The following TECPR2 variants were observed in gnomAD, a reference collection of about 807,000 sequenced individuals.
TECPR2 encodes tectonin beta-propeller repeat-containing protein 2.
A neutral mutation model predicts 138.1 loss-of-function variants in TECPR2; 65 were observed. The ratio of observed to expected loss-of-function variants is 0.47; its 90% CI spans 0.39 to 0.58. TECPR2 has a LOEUF of 0.58. Ranked by LOEUF, TECPR2 falls within the 20% of genes least tolerant of loss-of-function variation. The pLI, the probability that TECPR2 is intolerant of heterozygous loss-of-function variation, is 0.00. For synonymous variants in TECPR2, 746 were observed against 749.8 expected (o/e 0.99, Z 0.08); for missense variants, 1,553 against 1,824.5 (o/e 0.85, Z 2.71).
At chr14:102,444,164 A>G (rs1365751028) in intron 12 of TECPR2, among the ~76,000 whole-genome samples, 2 of 149,454 alleles carry the variant, frequency 1.3e-5, no homozygotes, top group African/African-American at 4.9e-5. Flanking sequence ...CTTTATTTTC[A>G]TGCTAATCGA....
intron 10 of TECPR2, among the ~76,000 whole-genome samples, chr14:102,439,863 T>C (rs75119181): frequency 0.043 from 6,482 of 152,276 alleles, 164 homozygotes; most frequent in Middle Eastern, 0.092. Flanking sequence ...TGCCTTCCCT[T>C]TCCTCTCTCC....
At chr14:102,407,618 C>A in intron 3 of TECPR2, 152 bp downstream of exon 3, 1 of 1,061,042 alleles carries the variant, frequency 9.4e-7, no homozygotes, top group Non-Finnish European at 1.3e-6. Context: ...AATCCCAGTA[C>A]TTTGGAAGGC....
rs200844941 is a variant in TECPR2 at position 102,452,453 on chromosome 14, G to A, written c.3466G>A (p.Ala1156Thr). The part of the protein sequence containing the change: ...KDLCSVSAQS[A>T]QSRPSTVQLP... ...CCTGTGCAGCGTCAGCGCCCAGAGCGCACAGTCGCGGCCCTCCACGGTGCA... is the reference window on the plus strand; with the variant it reads ...CCTGTGCAGCGTCAGCGCCCAGAGCACACAGTCGCGGCCCTCCACGGTGCA... The change falls in exon 16 of 20, where the codon GCA (alanine) becomes ACA (threonine). Residue 1156 changes from alanine to threonine, a missense_variant. Physicochemically the swap from Ala to Thr is moderately conservative, Grantham distance 58 (BLOSUM62 0). Transcript: ENST00000359520. 96 of 1,613,566 alleles carry A rather than the reference G, an allele frequency of 5.9e-5. No individual in the cohort carries two copies. The highest frequency in any genetic ancestry group is 1.6e-4 in the African/African-American group (12 of 74,958).
At position 102,499,708 on chromosome 14, in the gene TECPR2, G is replaced by A. The variant is rs552264715; in HGVS notation, c.*1451G>A. The stretch of plus-strand genomic sequence containing the variant: ...CCTGCCACACATCCCGCCCCCTCCC[G>A]GAGGCAGCTTCAGGACAGGACACCA... On this transcript the variant is annotated 3_prime_UTR_variant, in exon 20 of 20. Coordinates refer to ENST00000359520, the MANE Select transcript of TECPR2 (RefSeq NM_014844.5). 2.6e-3 allele frequency: 442 copies of A among 171,390 alleles called. No homozygotes were observed. The highest frequency in any genetic ancestry group is 9.9e-3 in the African/African-American group (417 of 41,990). 10.6% of individuals were successfully genotyped at this position (171,390 alleles called of 1,614,324 possible). A position where few individuals can be genotyped will look rare whatever the true frequency, so the allele number is the denominator to read the frequency against.
intron 11 of TECPR2, among the ~76,000 whole-genome samples, chr14:102,441,243 T>A (rs1889821266): frequency 6.6e-6 from 1 of 152,008 alleles, no homozygotes; most frequent in Non-Finnish European, 1.5e-5. Flanking sequence ...AATTTTTTTG[T>A]ATTTTTAGTA....
At chr14:102,437,118 T>A (rs189139861) in intron 9 of TECPR2, 12 of 985,142 alleles carry the variant, frequency 1.2e-5, no homozygotes, top group Non-Finnish European at 1.4e-5. Flanking sequence ...CAGGGCTGGA[T>A]TGAGAAGAGT....
At chr14:102,494,028 C>CT (rs1891217688) in intron 17 of TECPR2, among the ~76,000 whole-genome samples, 1 of 152,156 alleles carries the variant, frequency 6.6e-6, no homozygotes. Flanking sequence ...ATTTTATTTC[C>CT]TGGTGGTGCC....
chr14:102,425,664 C>T (rs1015638876), intron 6 of TECPR2, among the ~76,000 whole-genome samples: 3 of 152,034 alleles, frequency 2.0e-5, no homozygotes, highest in Non-Finnish European at 4.4e-5. Context: ...CAACCTCCAC[C>T]TCCCAGGTTC....
intron 12 of TECPR2, among the ~76,000 whole-genome samples, chr14:102,444,132 C>G (rs145725758): frequency 6.6e-6 from 1 of 151,786 alleles, no homozygotes; most frequent in Non-Finnish European, 1.5e-5. Flanking sequence ...GTGTCTGTGA[C>G]GGCTTAGGTC....
In TECPR2 at chr14:102,362,941, A is replaced by G. The variant is rs1414517596; in HGVS notation, c.-248A>G. 2.0e-6 allele frequency: 3 copies of G among 1,531,790 alleles called. No individual in the cohort carries two copies. The highest frequency in any genetic ancestry group is 2.3e-5 in the South Asian group (2 of 86,362). 94.9% of individuals were successfully genotyped at this position (1,531,790 alleles called of 1,614,324 possible). ...CGTCACGTCCGCCCCGCCCGCTGCCACTTGTGGCTCTGCCGCTCTAGCCCC... is the reference window on the plus strand; with the variant it reads ...CGTCACGTCCGCCCCGCCCGCTGCCGCTTGTGGCTCTGCCGCTCTAGCCCC... On this transcript the variant is annotated 5_prime_UTR_variant, in exon 1 of 20. Coordinates refer to ENST00000359520, the MANE Select transcript of TECPR2 (RefSeq NM_014844.5).
intron 2 of TECPR2, among the ~76,000 whole-genome samples, chr14:102,394,412 A>G (rs1227553198): frequency 6.6e-6 from 1 of 152,108 alleles, no homozygotes; most frequent in East Asian, 1.9e-4. Flanking sequence ...AGACCAGCCT[A>G]GGCAACATAG....
chr14:102,435,994 T>C (rs1396034570), intron 9 of TECPR2, among the ~76,000 whole-genome samples: 1 of 152,260 alleles, frequency 6.6e-6, no homozygotes. Flanking sequence ...CAGTCTACGC[T>C]GGCTTCTGTC....
chr14:102,414,817 T>TTGGC (rs1286304057), intron 5 of TECPR2, 24 bp downstream of exon 5: 2 of 1,613,004 alleles, frequency 1.2e-6, no homozygotes, highest in Non-Finnish European at 1.7e-6. Flanking sequence ...GTTTGCCAGT[T>TTGGC]TGGCCTAAAT....
At chr14:102,387,939 A>G (rs1888057690) in intron 2 of TECPR2, among the ~76,000 whole-genome samples, 1 of 152,258 alleles carries the variant, frequency 6.6e-6, no homozygotes, top group Admixed American at 6.5e-5. Flanking sequence ...CTGTATTCCA[A>G]GAAAACGGAA....
intron 2 of TECPR2, among the ~76,000 whole-genome samples, chr14:102,385,897 C>T (rs932878647): frequency 2.0e-5 from 3 of 151,574 alleles, no homozygotes; most frequent in Non-Finnish European, 2.9e-5. Context: ...GATCGAGCCA[C>T]TGCACCCTAA....
chr14:102,456,047 C>T lies in TECPR2; in HGVS notation c.3640+3420C>T, dbSNP rs1214075055. On this transcript the variant is annotated intron_variant, in intron 16 of 19. Coordinates refer to ENST00000359520, the MANE Select transcript of TECPR2 (RefSeq NM_014844.5). ...GGGATTACAAGTGTGAGCCACCATG[C>T]CCGGCCTTGGTTTCCTCTCCTTTCT... Among the ~76,000 whole-genome samples the T allele has an allele frequency of 2.0e-5, 3 of 152,208 alleles. No individual in the cohort carries two copies. In the East Asian group the frequency reaches 5.8e-4, roughly 29 times the overall value.
chr14:102,497,939 C>A (rs1186675837), intron 19 of TECPR2, among the ~76,000 whole-genome samples, 164 bp from the exon 20 acceptor site: 1 of 151,738 alleles, frequency 6.6e-6, no homozygotes, highest in Non-Finnish European at 1.5e-5. Context: ...TTGACATCCA[C>A]TTACAGCTGA....
chr14:102,432,298 T>TACACACACACACACACACACAACACACAC (rs1889519510), intron 8 of TECPR2, among the ~76,000 whole-genome samples, 170 bp downstream of exon 8: 1 of 148,802 alleles, frequency 6.7e-6, no homozygotes, highest in African/African-American at 2.5e-5. Context: ...TAACGGAAAA[T>TACACACACACACACACACACAACACACAC]ACACACACAC....
intron 13 of TECPR2, among the ~76,000 whole-genome samples, chr14:102,448,952 G>T (rs190219951): frequency 6.6e-6 from 1 of 151,930 alleles, no homozygotes; most frequent in East Asian, 2.0e-4. Flanking sequence ...TTGTCCATTG[G>T]AAATACCTGA....
Sources: allele counts gnomAD v4.1 joint callset (sites outside exome capture counted in the v4.1 genomes callset), GRCh38; gene constraint gnomAD v4.1.1; transcripts MANE v1.5; gene names NCBI Gene and HGNC (gene_info 2026-07-23, HGNC 2026-07-21).